CLPTM1: variants seen among roughly 807,000 people sequenced by gnomAD.
CLPTM1 encodes putative lipid scramblase CLPTM1.
CLPTM1 carries 21 observed loss-of-function variants against 77.3 expected under a neutral mutation model. That is an observed-to-expected ratio of 0.27 (90% CI 0.19 to 0.39). The LOEUF (loss-of-function observed/expected upper bound fraction) is 0.39, where lower values mean the gene tolerates loss of function less well. CLPTM1 is among the 10% of genes least tolerant of loss of function. The pLI is 1.00. For synonymous variants in CLPTM1, 373 were observed against 381.0 expected (o/e 0.98, Z 0.24); for missense variants, 642 against 921.2 (o/e 0.70, Z 3.92).
intron 1 of CLPTM1, among the ~76,000 whole-genome samples, chr19:44,957,411 C>A (rs1444533486): frequency 1.3e-5 from 2 of 152,260 alleles, no homozygotes; most frequent in Non-Finnish European, 2.9e-5. Flanking sequence ...CTTAGCACCA[C>A]TCAGCTCAGC....
chr19:44,966,550 G>C (rs73939906), intron 2 of CLPTM1, among the ~76,000 whole-genome samples: 1 of 152,172 alleles, frequency 6.6e-6, no homozygotes. Context: ...GGGGCAGGTA[G>C]TGTCAGATAG....
intron 1 of CLPTM1, among the ~76,000 whole-genome samples, chr19:44,961,750 A>G (rs1253487452): frequency 1.3e-5 from 2 of 152,182 alleles, no homozygotes; most frequent in Non-Finnish European, 2.9e-5. Flanking sequence ...TCTCTAGGTC[A>G]CCACTGTCCC....
At chr19:44,954,990 G>C, upstream of CLPTM1, 5 of 1,535,654 alleles carry the variant, frequency 3.3e-6, no homozygotes, top group South Asian at 3.6e-5. Flanking sequence ...CCGTACAGTG[G>C]CCGGTAAAGC....
chr19:44,973,760 G>GGTTTTTTTTTTTT (rs1568384890), intron 3 of CLPTM1, among the ~76,000 whole-genome samples: 2 of 20,324 alleles, frequency 9.8e-5, no homozygotes, highest in African/African-American at 2.2e-4. Flanking sequence ...GGTCACAGTG[G>GGTTTTTTTTTTTT]GTTTTTTTTT....
chr19:44,970,042 C>G (rs1239979866), intron 2 of CLPTM1, among the ~76,000 whole-genome samples: 1 of 147,558 alleles, frequency 6.8e-6, no homozygotes, highest in Non-Finnish European at 1.5e-5. Context: ...CCTTTTGTGC[C>G]TGGCTTATCT....
At chr19:44,986,170 AG>A (rs1231614980) in intron 6 of CLPTM1, among the ~76,000 whole-genome samples, 1 of 152,094 alleles carries the variant, frequency 6.6e-6, no homozygotes, top group African/African-American at 2.4e-5. Flanking sequence ...CAGCATAGTG[AG>A]ACCCCATCTC....
At chr19:44,971,526 GT>G (rs1169421990) in intron 2 of CLPTM1, among the ~76,000 whole-genome samples, 4 of 152,050 alleles carry the variant, frequency 2.6e-5, no homozygotes, top group African/African-American at 9.7e-5. Context: ...TGTGCCTTCG[GT>G]TCTTTTCCTT....
intron 8 of CLPTM1, 129 bp downstream of exon 8, chr19:44,987,552 C>T: frequency 7.9e-7 from 1 of 1,273,706 alleles, no homozygotes; most frequent in Non-Finnish European, 1.1e-6. Flanking sequence ...TTCACAACCT[C>T]CCAGGTCCCT....
At chr19:44,954,897 G>C, upstream of CLPTM1, 15 of 1,344,510 alleles carry the variant, frequency 1.1e-5, no homozygotes, top group Non-Finnish European at 1.5e-5. Context: ...GAAGACAAGG[G>C]TGCTGGGCAA....
intron 1 of CLPTM1, among the ~76,000 whole-genome samples, chr19:44,961,173 G>A (rs1431977472): frequency 6.6e-6 from 1 of 152,182 alleles, no homozygotes; most frequent in African/African-American, 2.4e-5. Flanking sequence ...GGATGGAGCT[G>A]GTCATAGTTT....
intron 1 of CLPTM1, 121 bp from the exon 2 acceptor site, chr19:44,961,842 C>CAT: frequency 1.8e-6 from 1 of 551,758 alleles, no homozygotes; most frequent in East Asian, 3.2e-5. Context: ...CTGATTCATT[C>CAT]TCCAGTTATT....
At chr19:44,977,034 C>T (rs1970815343) in intron 4 of CLPTM1, among the ~76,000 whole-genome samples, 1 of 152,124 alleles carries the variant, frequency 6.6e-6, no homozygotes, top group South Asian at 2.1e-4. Flanking sequence ...TGTGCCAGTG[C>T]TCCAGGTAGT....
chr19:44,973,613 C>T (rs1970756379), intron 3 of CLPTM1, among the ~76,000 whole-genome samples: 1 of 152,056 alleles, frequency 6.6e-6, no homozygotes, highest in South Asian at 2.1e-4. Context: ...AGGAGACCTG[C>T]ACTTCCACAG....
intron 1 of CLPTM1, among the ~76,000 whole-genome samples, chr19:44,956,780 T>A (rs1970470370): frequency 6.6e-6 from 1 of 152,222 alleles, no homozygotes; most frequent in South Asian, 2.1e-4. Flanking sequence ...CACTCTGATC[T>A]TCTCTTGTAC....
At chr19:44,978,841 A>G (rs924686640) in intron 5 of CLPTM1, among the ~76,000 whole-genome samples, 1 of 143,230 alleles carries the variant, frequency 7.0e-6, no homozygotes, top group Non-Finnish European at 1.5e-5. Flanking sequence ...AGAGTACATC[A>G]GTAGTCCCAG....
At chr19:44,986,996 T>TTGCCTCAGTCCCCTC (rs1970988787) in intron 7 of CLPTM1, 183 bp from the exon 8 acceptor site, 1 of 742,152 alleles carries the variant, frequency 1.3e-6, no homozygotes, top group Non-Finnish European at 2.2e-6. Context: ...TGCCTGCCCT[T>TTGCCTCAGTCCCCTC]TGCCTCAGTC....
chr19:44,991,009 C>A lies in CLPTM1; in HGVS notation c.1419+64C>A. The A allele has an allele frequency of 7.2e-7, 1 of 1,389,828 alleles. No homozygotes were observed. The highest frequency in any genetic ancestry group is 1.0e-6 in the Non-Finnish European group (1 of 985,966). The allele number at this position is 1,389,828 out of a possible 1,614,324, so 86.1% of individuals were successfully genotyped here. On this transcript the variant is annotated intron_variant, in intron 11 of 13. Transcript: ENST00000337392. This position sits in a 1 kb window ranked among gnomAD's most constrained non-coding sequence, Gnocchi z 5.4. ...CAGGTACCACGTATCCCTGAGGCAC[C>A]CGGGGCCGGCCATCTGTCTGCCGGA...
chr19:44,979,487 C>G (rs1469773527), intron 5 of CLPTM1, among the ~76,000 whole-genome samples: 2 of 152,146 alleles, frequency 1.3e-5, no homozygotes, highest in Non-Finnish European at 2.9e-5. Context: ...TGGTTAAGAT[C>G]CATCTGGCTG....
chr19:44,990,768 G>C lies in CLPTM1; in HGVS notation c.1324-82G>C. 7.3e-7 allele frequency: 1 copy of C among 1,364,788 alleles called. No homozygotes were observed. Among genetic ancestry groups the C allele is most frequent in the Non-Finnish European group, 1.0e-6 (1 of 965,318 alleles). 84.5% of individuals were successfully genotyped at this position (1,364,788 alleles called of 1,614,324 possible). A position where few individuals can be genotyped will look rare whatever the true frequency, so the allele number is the denominator to read the frequency against. ...ACATGGGGCAGGGGAACTGGGAACG[G>C]TGGGGAAGGGCAGGGGCTGGTTCTG... On this transcript the variant is annotated intron_variant, in intron 10 of 13. Transcript: ENST00000337392. This position sits in a 1 kb window ranked among gnomAD's most constrained non-coding sequence, Gnocchi z 4.8.
Sources: gnomAD v4.1 joint callset for allele counts (sites outside exome capture counted in the v4.1 genomes callset) on GRCh38, gnomAD v4.1.1 for gene constraint, Gnocchi (gnomAD v3.1) non-coding constraint, MANE v1.5 for transcripts, NCBI Gene and HGNC (gene_info 2026-07-23, HGNC 2026-07-21) for gene names.